Variants in MED21 observed in about 807,000 individuals in gnomAD.
MED21 encodes the protein mediator complex subunit 21, also known as mediator of RNA polymerase II transcription subunit 21.
Under a neutral mutation model 18.2 loss-of-function variants are expected in MED21, and 9 were observed. The observed-to-expected ratio is 0.49, with a 90% CI of 0.30 to 0.86. The LOEUF (loss-of-function observed/expected upper bound fraction) is 0.86, where lower values mean the gene tolerates loss of function less well. Ranked by LOEUF, MED21 falls within the 40% of genes least tolerant of loss-of-function variation. MED21 has a pLI of 0.07. For missense variants in MED21, 150 were observed against 170.9 expected, an observed-to-expected ratio of 0.88 and a Z score of 0.68; for synonymous variants, 73 against 60.5, an observed-to-expected ratio of 1.21 and a Z score of -0.96.
rs1447892768 is a variant in MED21, at chr12:27,026,501, A to G, written c.124A>G (p.Ile42Val). The G allele has an allele frequency of 3.1e-6, 5 of 1,613,870 alleles. No individual in the cohort carries two copies. Among genetic ancestry groups the G allele is most frequent in the East Asian group, 4.5e-5 (2 of 44,812 alleles). The change falls in exon 2 of 4, where the codon ATT becomes GTT. Residue 42 changes from isoleucine (I) to valine (V), a missense_variant. Coordinates refer to ENST00000282892, the MANE Select transcript of MED21 (RefSeq NM_004264.5). ...CTCTTTCAATAATATTCAGACAGCA[A>G]TTAACAAAGACCAGCCAGCTAACCC... ...PASFNNIQTA[I>V]NKDQPANPTE...
In MED21 at chr12:27,029,093, A is replaced by G. The variant is rs1941582869; in HGVS notation, c.*632A>G. ...AAGAGAATTTCCTGGCTGTTGTGAA[A>G]GAATTTTTCTACATCCTGAACTATT... On this transcript the variant is annotated 3_prime_UTR_variant, in exon 4 of 4. Coordinates refer to ENST00000282892, the MANE Select transcript of MED21 (RefSeq NM_004264.5). The G allele has an allele frequency of 3.0e-6, 3 of 985,328 alleles. No homozygotes were observed. In the Admixed American group the frequency reaches 1.8e-4, roughly 61 times the overall value. The allele number at this position is 985,328 out of a possible 1,614,324, so 61.0% of individuals were successfully genotyped here. A position where few individuals can be genotyped will look rare whatever the true frequency, so the allele number is the denominator to read the frequency against.
Position 27,028,481 on chromosome 12 carries a change from G to T in MED21, c.*20G>T, listed in dbSNP as rs1021856185. On this transcript the variant is annotated 3_prime_UTR_variant, in exon 4 of 4. Coordinates refer to ENST00000282892, the MANE Select transcript of MED21 (RefSeq NM_004264.5). ...TCATAGCATCAGTGGATACCATGTGGCTGAGAAAAGAACTGTTTGAGTGCC... is the reference window on the plus strand; with the variant it reads ...TCATAGCATCAGTGGATACCATGTGTCTGAGAAAAGAACTGTTTGAGTGCC... 16 of 1,603,498 alleles carry T rather than the reference G, an allele frequency of 1.0e-5. No individual in the cohort carries two copies. The highest frequency in any genetic ancestry group is 1.3e-5 in the African/African-American group (1 of 74,654).
chr12:27,036,094 G>A (rs1019053836), intron 2 of MED21, among the ~76,000 whole-genome samples: 7 of 152,136 alleles, frequency 4.6e-5, no homozygotes, highest in African/African-American at 1.7e-4. Flanking sequence ...ATCCTCTCCA[G>A]CACCTGTTGT....
At position 27,030,204 on chromosome 12, in the gene MED21, C is replaced by G. The variant is rs1399442741; in HGVS notation, c.*1743C>G. ...CTGAAGTGCAGTTCTGTGATCATGG[C>G]TCACTGCAGCTTCACCCTGGGTTCA... On this transcript the variant is annotated 3_prime_UTR_variant, in exon 4 of 4. Coordinates refer to ENST00000282892, the MANE Select transcript of MED21 (RefSeq NM_004264.5). 1 of 647,106 alleles carries G rather than the reference C, an allele frequency of 1.5e-6. No homozygotes were observed. 40.1% of individuals were successfully genotyped at this position (647,106 alleles called of 1,614,324 possible). A position where few individuals can be genotyped will look rare whatever the true frequency, so the allele number is the denominator to read the frequency against.
At chr12:27,025,908 A>G (rs1393168510) in intron 1 of MED21, among the ~76,000 whole-genome samples, 2 of 152,208 alleles carry the variant, frequency 1.3e-5, no homozygotes, top group Non-Finnish European at 2.9e-5. Flanking sequence ...ATTTCTGCTT[A>G]CTTAAGGTGC....
At chr12:27,027,065 A>G (rs1466404684) in intron 2 of MED21, among the ~76,000 whole-genome samples, 1 of 152,112 alleles carries the variant, frequency 6.6e-6, no homozygotes, top group African/African-American at 2.4e-5. Flanking sequence ...AGTAGCTGGG[A>G]TTACAGGCTC....
chr12:27,028,368 T>C lies in MED21; in HGVS notation c.342T>C (p.Leu114=). ...LEDVVYRGDM[L]LEKIQSALAD... ...ATGTTGTTTATCGAGGAGACATGCTTCTGGAGAAGATACAAAGCGCACTTG... is the reference window on the plus strand; with the variant it reads ...ATGTTGTTTATCGAGGAGACATGCTCCTGGAGAAGATACAAAGCGCACTTG... The change falls in exon 4 of 4, where the codon CTT becomes CTC. Residue 114 remains leucine, a synonymous_variant. Transcript: ENST00000282892. 2 of 1,614,136 alleles carry C rather than the reference T, an allele frequency of 1.2e-6. No homozygotes were observed. The highest frequency in any genetic ancestry group is 2.2e-5 in the South Asian group (2 of 91,084).
At chr12:27,033,245 G>A (rs1379381484), downstream of MED21, among the ~76,000 whole-genome samples, 2 of 152,074 alleles carry the variant, frequency 1.3e-5, no homozygotes, top group African/African-American at 2.4e-5. Flanking sequence ...TCTGAAGCCC[G>A]GGAAGTCAAA....
rs1475479249 is a variant in MED21, at chr12:27,029,524, A to G, written c.*1063A>G. 1.0e-6 allele frequency: 1 copy of G among 985,284 alleles called. No individual in the cohort carries two copies. The highest frequency in any genetic ancestry group is 1.2e-6 in the Non-Finnish European group (1 of 829,900). 61.0% of individuals were successfully genotyped at this position (985,284 alleles called of 1,614,324 possible). A position where few individuals can be genotyped will look rare whatever the true frequency, so the allele number is the denominator to read the frequency against. On this transcript the variant is annotated 3_prime_UTR_variant, in exon 4 of 4. Transcript: ENST00000282892. ...GCTACATTTGCTGCAATCTGTTGCT[A>G]TTCAGAGTTTAAGTTTCAGGAGAAA...
chr12:27,029,873 A>T lies in MED21; in HGVS notation c.*1412A>T. ...AAAAAGGTACAAAGAGAAAAGGTCA[A>T]GACATTTTTCAAATGAGGGAAAACT... On this transcript the variant is annotated 3_prime_UTR_variant, in exon 4 of 4. Coordinates refer to ENST00000282892, the MANE Select transcript of MED21 (RefSeq NM_004264.5). 1 of 984,252 alleles carries T rather than the reference A, an allele frequency of 1.0e-6. No individual in the cohort carries two copies. Among genetic ancestry groups the T allele is most frequent in the Non-Finnish European group, 1.2e-6 (1 of 809,286 alleles). 61.0% of individuals were successfully genotyped at this position (984,252 alleles called of 1,614,324 possible). A position where few individuals can be genotyped will look rare whatever the true frequency, so the allele number is the denominator to read the frequency against.
Position 27,026,524 on chromosome 12 carries a change from C to T in MED21, c.147C>T (p.Asn49=). The change falls in exon 2 of 4, where the codon AAC becomes AAT. Residue 49 remains asparagine (N), a synonymous_variant. Coordinates refer to ENST00000282892, the MANE Select transcript of MED21 (RefSeq NM_004264.5). ...CAATTAACAAAGACCAGCCAGCTAA[C>T]CCTACAGAAGGTAAACAGGTTTTCT... ...QTAINKDQPA[N]PTEEYAQLFA... The T allele has an allele frequency of 6.2e-7, 1 of 1,611,440 alleles. No individual in the cohort carries two copies. Among genetic ancestry groups the T allele is most frequent in the Non-Finnish European group, 8.5e-7 (1 of 1,177,848 alleles).
In MED21 at chr12:27,028,622, G is replaced by A; in HGVS notation, c.*161G>A. 7.7e-7 allele frequency: 1 copy of A among 1,292,904 alleles called. No individual in the cohort carries two copies. Among genetic ancestry groups the A allele is most frequent in the Non-Finnish European group, 9.8e-7 (1 of 1,017,226 alleles). 80.1% of individuals were successfully genotyped at this position (1,292,904 alleles called of 1,614,324 possible). A position where few individuals can be genotyped will look rare whatever the true frequency, so the allele number is the denominator to read the frequency against. Reference sequence around the variant, plus strand: ...TTAATAGTCTTCTATTTTCACTCTTGATAAGCTTATAAAATCATGATTGAA... The same window carrying A: ...TTAATAGTCTTCTATTTTCACTCTTAATAAGCTTATAAAATCATGATTGAA... On this transcript the variant is annotated 3_prime_UTR_variant, in exon 4 of 4. Coordinates refer to ENST00000282892, the MANE Select transcript of MED21 (RefSeq NM_004264.5).
At chr12:27,025,583 A>G (rs764617571) in intron 1 of MED21, among the ~76,000 whole-genome samples, 8 of 152,350 alleles carry the variant, frequency 5.3e-5, no homozygotes, top group Admixed American at 2.0e-4. Context: ...GTATTAGCAG[A>G]ATATGAAGAT....
chr12:27,026,342 A>G, intron 1 of MED21, 78 bp from the exon 2 acceptor site: 1 of 803,196 alleles, frequency 1.2e-6, no homozygotes, highest in South Asian at 1.6e-5. Context: ...ACAGAAACTT[A>G]TTGTTGTTGC....
chr12:27,022,603 T>G lies in MED21; in HGVS notation c.24T>G (p.Leu8=). MADRLTQ[L]QDAVNSLADQ... ...ACATGGCGGATCGGCTCACGCAGCTTCAGGACGCTGTGAATTCGGTGAGGA... is the reference window on the plus strand; with the variant it reads ...ACATGGCGGATCGGCTCACGCAGCTGCAGGACGCTGTGAATTCGGTGAGGA... Residue 8 remains leucine (L), a synonymous_variant, in exon 1 of 4, where the codon CTT becomes CTG. Coordinates refer to ENST00000282892, the MANE Select transcript of MED21 (RefSeq NM_004264.5). 6.3e-7 allele frequency: 1 copy of G among 1,588,392 alleles called. No homozygotes were observed. The highest frequency in any genetic ancestry group is 1.1e-5 in the South Asian group (1 of 90,064).
chr12:27,032,287 A>T (rs561752713), downstream of MED21, among the ~76,000 whole-genome samples: 2 of 152,150 alleles, frequency 1.3e-5, no homozygotes, highest in Admixed American at 1.3e-4. Context: ...CTGAATTTCA[A>T]CTTGGGGGCT....
At chr12:27,037,062 C>T (rs546540796) in intron 2 of MED21, 2 of 152,140 alleles carry the variant, frequency 1.3e-5, no homozygotes, top group African/African-American at 4.8e-5. Context: ...TTGATTCTTC[C>T]TACCGATGAG....
Position 27,022,598 on chromosome 12 carries a change from C to G in MED21, c.19C>G (p.Gln7Glu), listed in dbSNP as rs1207598832. The change falls in exon 1 of 4, where the codon CAG (glutamine) becomes GAG (glutamate). Residue 7 changes from glutamine (Q) to glutamate (E), a missense_variant. Transcript: ENST00000282892. The part of the protein sequence containing the change: MADRLT[Q>E]LQDAVNSLAD... ...TAGGAACATGGCGGATCGGCTCACG[C>G]AGCTTCAGGACGCTGTGAATTCGGT... 1 of 1,579,652 alleles carries G rather than the reference C, an allele frequency of 6.3e-7. No homozygotes were observed. The highest frequency in any genetic ancestry group is 8.6e-7 in the Non-Finnish European group (1 of 1,157,980).
Position 27,028,408 on chromosome 12 carries a change from T to G in MED21, c.382T>G (p.Ser128Ala). ...IQSALADIAQ[S>A]QLKTRSGTHS... ...AAGCGCACTTGCTGATATTGCACAG[T>G]CACAGCTGAAGACAAGAAGTGGTAC... Residue 128 changes from serine (S) to alanine (A), a missense_variant, in exon 4 of 4, where the codon TCA becomes GCA. Ser to Ala is a moderately conservative substitution (Grantham distance 99). Transcript: ENST00000282892. The G allele has an allele frequency of 6.2e-7, 1 of 1,614,138 alleles. No individual in the cohort carries two copies. The highest frequency in any genetic ancestry group is 8.5e-7 in the Non-Finnish European group (1 of 1,179,992).
Sources: allele counts gnomAD v4.1 joint callset (sites outside exome capture counted in the v4.1 genomes callset), GRCh38; gene constraint gnomAD v4.1.1; transcripts MANE v1.5; gene names NCBI Gene and HGNC (gene_info 2026-07-23, HGNC 2026-07-21).